GALNT11: variants seen among roughly 807,000 people sequenced by gnomAD.
GALNT11 encodes polypeptide N-acetylgalactosaminyltransferase 11, also known as UDP-GalNAc:polypeptide N-acetylgalactosaminyltransferase 11.
GALNT11 carries 47 observed loss-of-function variants against 72.7 expected under a neutral mutation model. The observed-to-expected ratio is 0.65, with a 90% CI of 0.51 to 0.82. GALNT11 has a LOEUF of 0.82. GALNT11 is among the 40% of genes least tolerant of loss of function. GALNT11 has a pLI of 0.00. For missense variants in GALNT11, 677 were observed against 778.4 expected (o/e 0.87, Z 1.55); for synonymous variants, 270 against 286.6 (o/e 0.94, Z 0.58).
At position 152,094,371 on chromosome 7, in the gene GALNT11, C is replaced by T. The variant is rs150180913; in HGVS notation, c.144C>T (p.His48=). The T allele has an allele frequency of 3.2e-4, 516 of 1,614,112 alleles. 1 individual carries two copies. The African/African-American group carries it at 6.1e-3, about 19-fold the overall frequency. ...KNVPVKGSGP[H]GPSPKKFYPR... ...TGCCCGTCAAGGGGTCTGGGCCCCA[C>T]GGACCATCTCCAAAAAAATTCTATC... Residue 48 remains histidine, a synonymous_variant, in exon 2 of 12, where the codon CAC becomes CAT. Coordinates refer to ENST00000430044, the MANE Select transcript of GALNT11 (RefSeq NM_022087.4). The surrounding 1 kb of genome is among the most constrained non-coding windows in gnomAD (Gnocchi z 4.3).
chr7:152,117,480 G>A lies in GALNT11; in HGVS notation c.1452+105G>A, dbSNP rs2088983505. The stretch of plus-strand genomic sequence containing the variant: ...GGTGACACTGTGGACTTAACAGAGT[G>A]TAATGACAGGCTTCAGCTTGCCTTT... On this transcript the variant is annotated intron_variant, in intron 9 of 11. Coordinates refer to ENST00000430044, the MANE Select transcript of GALNT11 (RefSeq NM_022087.4). 3 of 1,071,742 alleles carry A rather than the reference G, an allele frequency of 2.8e-6. No homozygotes were observed. In the South Asian group the frequency reaches 4.4e-5, roughly 16 times the overall value. The allele number at this position is 1,071,742 out of a possible 1,614,324, so 66.4% of individuals were successfully genotyped here.
rs750490377 is a variant in GALNT11, at chr7:152,113,327, T to G, written c.1162T>G (p.Ser388Ala). ...TTTCCGAAAAAGGCGACCATATGGA[T>G]CTCCCGAAGGCCAGGACACCATGAC... ...HIFRKRRPYG[S>A]PEGQDTMTHN... The change falls in exon 8 of 12, where the codon TCT (serine) becomes GCT (alanine). Residue 388 changes from serine (S) to alanine (A), a missense_variant. By Grantham distance (99) the Ser-to-Ala change is moderately conservative. Coordinates refer to ENST00000430044, the MANE Select transcript of GALNT11 (RefSeq NM_022087.4). The G allele has an allele frequency of 6.2e-7, 1 of 1,614,072 alleles. No individual in the cohort carries two copies. The highest frequency in any genetic ancestry group is 1.3e-5 in the African/African-American group (1 of 75,016).
intron 1 of GALNT11, among the ~76,000 whole-genome samples, chr7:152,063,414 T>C (rs2084126658): frequency 6.6e-6 from 1 of 152,214 alleles, no homozygotes; most frequent in South Asian, 2.1e-4. Flanking sequence ...AAAAACCAGC[T>C]CCTGGATTCA....
rs1162703538 is a variant in GALNT11, at chr7:152,113,362, T to A, written c.1197T>A (p.Ser399=). The A allele has an allele frequency of 6.2e-7, 1 of 1,613,922 alleles. No individual in the cohort carries two copies. Among genetic ancestry groups the A allele is most frequent in the Non-Finnish European group, 8.5e-7 (1 of 1,179,954 alleles). The change falls in exon 8 of 12, where the codon TCT becomes TCA. Residue 399 remains serine (S), a synonymous_variant. Coordinates refer to ENST00000430044, the MANE Select transcript of GALNT11 (RefSeq NM_022087.4). ...PEGQDTMTHN[S]LRLAHVWLDE... ...GCCAGGACACCATGACACACAACTCTTTGCGGCTGGCACATGTCTGGTTGG... is the reference window on the plus strand; with the variant it reads ...GCCAGGACACCATGACACACAACTCATTGCGGCTGGCACATGTCTGGTTGG...
chr7:152,055,051 A>G (rs1159818048), intron 1 of GALNT11, among the ~76,000 whole-genome samples: 1 of 152,180 alleles, frequency 6.6e-6, no homozygotes, highest in Non-Finnish European at 1.5e-5. Flanking sequence ...TGCTGTTGCA[A>G]TTTGAGTCCA....
chr7:152,101,680 C>T (rs1325937541), intron 3 of GALNT11, among the ~76,000 whole-genome samples: 1 of 149,352 alleles, frequency 6.7e-6, no homozygotes, highest in African/African-American at 2.5e-5. Context: ...GTTGCCCAGG[C>T]TGGAGTGTGG....
At chr7:152,050,086 C>T (rs887790841) in intron 1 of GALNT11, among the ~76,000 whole-genome samples, 13 of 152,062 alleles carry the variant, frequency 8.5e-5, no homozygotes, top group Admixed American at 3.3e-4. Flanking sequence ...CCCAAGGGCC[C>T]GCTTGGTGCT....
rs1194016270 is a variant in GALNT11, at chr7:152,061,074, G to A, written c.-38-33116G>A. On this transcript the variant is annotated intron_variant, in intron 1 of 11. Coordinates refer to ENST00000430044, the MANE Select transcript of GALNT11 (RefSeq NM_022087.4). The stretch of plus-strand genomic sequence containing the variant: ...ACTGTCTTCCACAATGGTTGAACTA[G>A]TTTACAGTCCCACCAACAGTGTAAA... Among the ~76,000 whole-genome samples the A allele has an allele frequency of 5.9e-4, 90 of 152,240 alleles. 1 individual carries two copies. Among genetic ancestry groups the A allele is most frequent in the African/African-American group, 2.0e-3 (81 of 41,526 alleles).
intron 1 of GALNT11, among the ~76,000 whole-genome samples, chr7:152,041,203 C>A (rs1030000226): frequency 1.3e-5 from 2 of 152,200 alleles, no homozygotes; most frequent in Non-Finnish European, 2.9e-5. Context: ...ACAAGCATAA[C>A]CTCTACTCCA....
rs538926843 is a variant in GALNT11, at chr7:152,063,510, G to C, written c.-38-30680G>C. Among the ~76,000 whole-genome samples, 3 of 152,082 alleles carry C rather than the reference G, an allele frequency of 2.0e-5. No individual in the cohort carries two copies. The East Asian group carries it at 5.8e-4, about 29-fold the overall frequency. ...TATTTCTTGCCTTCTGCTAGCTTTT[G>C]AATGTGTTTGCTCTTGCTTCTCTAG... is the stretch of plus-strand genomic sequence containing the variant. On this transcript the variant is annotated intron_variant, in intron 1 of 11. Coordinates refer to ENST00000430044, the MANE Select transcript of GALNT11 (RefSeq NM_022087.4).
intron 1 of GALNT11, among the ~76,000 whole-genome samples, chr7:152,082,969 G>T (rs1432074844): frequency 2.0e-5 from 3 of 152,078 alleles, no homozygotes; most frequent in African/African-American, 7.2e-5. Context: ...TAAGGTTGTT[G>T]GTCCTTTATT....
At chr7:152,104,983 T>C (rs2087373337) in intron 4 of GALNT11, 1 of 236,520 alleles carries the variant, frequency 4.2e-6, no homozygotes, top group African/African-American at 2.3e-5. Flanking sequence ...TGCAAAGCAT[T>C]GTGCTCGATG....
At chr7:152,118,873 G>T in intron 10 of GALNT11, 91 bp downstream of exon 10, 1 of 990,836 alleles carries the variant, frequency 1.0e-6, no homozygotes, top group Non-Finnish European at 1.5e-6. Flanking sequence ...GGACATCAGT[G>T]TCTACTATTC....
At chr7:152,081,466 A>G (rs1324440694) in intron 1 of GALNT11, among the ~76,000 whole-genome samples, 1 of 152,256 alleles carries the variant, frequency 6.6e-6, no homozygotes, top group Non-Finnish European at 1.5e-5. Flanking sequence ...GTTTGCCACA[A>G]AGCATTTTAG....
At chr7:152,038,301 A>G (rs979977763) in intron 1 of GALNT11, among the ~76,000 whole-genome samples, 2 of 152,238 alleles carry the variant, frequency 1.3e-5, no homozygotes, top group African/African-American at 4.8e-5. Flanking sequence ...GCCAGTCATA[A>G]GATTTACTAT....
chr7:152,053,132 A>C (rs1468295034), intron 1 of GALNT11, among the ~76,000 whole-genome samples: 1 of 152,124 alleles, frequency 6.6e-6, no homozygotes, highest in Non-Finnish European at 1.5e-5. Flanking sequence ...CCTCTGTTCC[A>C]AATCATTTTC....
chr7:152,037,299 C>G (rs1586932820), intron 1 of GALNT11, among the ~76,000 whole-genome samples: 1 of 152,308 alleles, frequency 6.6e-6, no homozygotes, highest in Non-Finnish European at 1.5e-5. Context: ...GTTTTCGCAG[C>G]ACCATTTATT....
chr7:152,118,797 G>A lies in GALNT11; in HGVS notation c.1557+15G>A, dbSNP rs572420631. The A allele has an allele frequency of 5.0e-4, 798 of 1,592,512 alleles. 9 individuals carry two copies. In the South Asian group the frequency reaches 7.9e-3, roughly 16 times the overall value. ...ACCCAAATCAGGTGAGTGACACCTC[G>A]GGGCTCACAGCCAGTGTCCGCAAGG... On this transcript the variant is annotated intron_variant, in intron 10 of 11. Transcript: ENST00000430044.
At chr7:152,099,385 T>TA (rs1358230961) in intron 2 of GALNT11, among the ~76,000 whole-genome samples, 14 of 150,184 alleles carry the variant, frequency 9.3e-5, no homozygotes, top group Non-Finnish European at 1.8e-4. Flanking sequence ...TTTATTTATT[T>TA]TGAGACAAAG....
Sources: gnomAD v4.1 joint callset for allele counts (sites outside exome capture counted in the v4.1 genomes callset) on GRCh38, gnomAD v4.1.1 for gene constraint, Gnocchi (gnomAD v3.1) non-coding constraint, MANE v1.5 for transcripts, NCBI Gene and HGNC (gene_info 2026-07-23, HGNC 2026-07-21) for gene names.